The following ZNF454 variants were observed in gnomAD, a reference collection of about 807,000 sequenced individuals.
The protein encoded by ZNF454 is zinc finger protein 454.
Under a neutral mutation model 48.2 loss-of-function variants are expected in ZNF454, and 30 were observed. That is an observed-to-expected ratio of 0.62 (90% CI 0.47 to 0.84). ZNF454 has a LOEUF of 0.84. Among genes scored for constraint, ZNF454 ranks in the 40% least tolerant of loss-of-function variants. ZNF454 has a pLI of 0.00. For synonymous variants in ZNF454, 204 were observed against 211.4 expected (o/e 0.97, Z 0.30); for missense variants, 510 against 623.1 (o/e 0.82, Z 1.93).
chr5:178,967,736 CTTTTTCTTTTT>C (rs1760184700), downstream of ZNF454, among the ~76,000 whole-genome samples: 7 of 67,858 alleles, frequency 1.0e-4, no homozygotes, highest in Non-Finnish European at 1.9e-4. Flanking sequence ...TTTTCTTTTT[CTTTTTCTTTTT>C]TTTTTTTTTT....
At chr5:178,986,949 G>A in the ZNF454 span, 250 of 1,613,958 alleles carry the variant, frequency 1.5e-4, 1 homozygote, top group South Asian at 7.8e-4. Context: ...GCGCATCTCC[G>A]TTCTCGTTGA....
chr5:178,981,880 T>C, the ZNF454 span: 2 of 1,445,472 alleles, frequency 1.4e-6, no homozygotes, highest in Non-Finnish European at 1.9e-6. The surrounding 1 kb of genome is among the most constrained non-coding windows in gnomAD (Gnocchi z 5.1). Flanking sequence ...GGGGACCAGA[T>C]GGGACTCAGC....
At chr5:178,987,219 C>T in the ZNF454 span, 3 of 664,082 alleles carry the variant, frequency 4.5e-6, no homozygotes, top group African/African-American at 1.8e-5. Flanking sequence ...CCCTTGTGCA[C>T]GGTGGGTGGG....
the ZNF454 span, chr5:178,987,540 G>A: frequency 1.6e-5 from 7 of 432,518 alleles, no homozygotes; most frequent in South Asian, 8.3e-5. Context: ...CATGATGCTC[G>A]GTGAAACAAG....
the ZNF454 span, chr5:178,985,891 A>C: frequency 1.8e-6 from 1 of 568,306 alleles, no homozygotes; most frequent in Non-Finnish European, 3.2e-6. Context: ...CCTCCCAAGT[A>C]GCTAGGACTA....
chr5:178,989,451 CTG>C, the ZNF454 span: 10 of 1,612,554 alleles, frequency 6.2e-6, no homozygotes, highest in South Asian at 3.3e-5. Context: ...CCTGAGCCAG[CTG>C]TGTTTCTCCT....
At chr5:178,989,200 T>TG in the ZNF454 span, 2 of 1,333,672 alleles carry the variant, frequency 1.5e-6, no homozygotes, top group Non-Finnish European at 2.1e-6. Flanking sequence ...CCTCCCGCCT[T>TG]CCCCCTCCCC....
At chr5:178,964,626 C>T (rs747935929) in intron 4 of ZNF454, 29 bp from the exon 5 acceptor site, 18 of 1,558,678 alleles carry the variant, frequency 1.2e-5, no homozygotes. Context: ...TAGGGTAAAA[C>T]AGACATTTTT....
the ZNF454 span, chr5:178,986,569 A>T: frequency 1.2e-6 from 2 of 1,607,666 alleles, no homozygotes; most frequent in Non-Finnish European, 1.7e-6. Flanking sequence ...CGTGGGCCTC[A>T]TGTCCCCAGG....
At position 178,946,502 on chromosome 5, in the gene ZNF454, C is replaced by T; in HGVS notation, c.160+17C>T. 1 of 1,578,924 alleles carries T rather than the reference C, an allele frequency of 6.3e-7. No homozygotes were observed. The highest frequency in any genetic ancestry group is 8.6e-7 in the Non-Finnish European group (1 of 1,167,506). On this transcript the variant is annotated intron_variant, in intron 3 of 4. Transcript: ENST00000519564. This position sits in a 1 kb window ranked among gnomAD's most constrained non-coding sequence, Gnocchi z 4.5. ...TCTCACTGGGTAAGTGGGACCCCTG[C>T]AAGGTTTCTCTTCACTTTTGGGGAT...
At chr5:178,942,534 A>C (rs1400035105) in intron 1 of ZNF454, 151 bp from the exon 2 acceptor site, 2 of 481,964 alleles carry the variant, frequency 4.1e-6, no homozygotes, top group Non-Finnish European at 7.4e-6. Flanking sequence ...GTCAATGTAT[A>C]GTACCCTCAG....
intron 2 of ZNF454, among the ~76,000 whole-genome samples, chr5:178,945,479 T>C (rs561813369): frequency 1.4e-5 from 2 of 147,244 alleles, no homozygotes; most frequent in South Asian, 4.5e-4. Context: ...TGTGTGTGTA[T>C]GTGGAGGGAT....
the ZNF454 span, chr5:178,981,869 AG>A: frequency 6.4e-7 from 1 of 1,554,044 alleles, no homozygotes; most frequent in Non-Finnish European, 8.9e-7. This position sits in a 1 kb window ranked among gnomAD's most constrained non-coding sequence, Gnocchi z 5.1. Context: ...GCCATGGAAG[AG>A]GGGACCAGAT....
At chr5:178,962,361 C>T (rs1760034464) in intron 4 of ZNF454, among the ~76,000 whole-genome samples, 1 of 151,012 alleles carries the variant, frequency 6.6e-6, no homozygotes, top group African/African-American at 2.4e-5. Context: ...TTGTAGTTAT[C>T]CTTGGAGTTT....
chr5:178,952,137 A>G (rs1423492998), intron 4 of ZNF454, among the ~76,000 whole-genome samples: 1 of 150,030 alleles, frequency 6.7e-6, no homozygotes, highest in Non-Finnish European at 1.5e-5. Flanking sequence ...TCCCGGGTTC[A>G]CGCCATTCTC....
intron 4 of ZNF454, 40 bp from the exon 5 acceptor site, chr5:178,964,615 C>T (rs747194538): frequency 2.7e-6 from 4 of 1,496,958 alleles, no homozygotes; most frequent in Non-Finnish European, 3.7e-6. Context: ...AAATGTTTTG[C>T]TAGGGTAAAA....
the ZNF454 span, among the ~76,000 whole-genome samples, chr5:178,977,704 G>C: frequency 6.6e-6 from 1 of 151,990 alleles, no homozygotes; most frequent in Non-Finnish European, 1.5e-5. Context: ...CGAGTAACTG[G>C]GATTGCAGAC....
At chr5:178,963,261 C>T (rs1345932730) in intron 4 of ZNF454, among the ~76,000 whole-genome samples, 2 of 151,764 alleles carry the variant, frequency 1.3e-5, no homozygotes, top group Non-Finnish European at 2.9e-5. Flanking sequence ...TGTTAGTCTG[C>T]CACAGTCTAC....
chr5:178,986,457 G>T, the ZNF454 span: 3 of 1,612,892 alleles, frequency 1.9e-6, no homozygotes, highest in South Asian at 3.3e-5. Context: ...CCGTGGTAGT[G>T]GCCACGATGC....
Sources: allele counts gnomAD v4.1 joint callset (sites outside exome capture counted in the v4.1 genomes callset), GRCh38; gene constraint gnomAD v4.1.1; non-coding constraint Gnocchi (gnomAD v3.1); transcripts MANE v1.5; gene names NCBI Gene and HGNC (gene_info 2026-07-23, HGNC 2026-07-21).